IL27RA: variants seen among roughly 807,000 people sequenced by gnomAD.
IL27RA encodes the protein interleukin 27 receptor subunit alpha.
IL27RA carries 61 observed loss-of-function variants against 80.8 expected under a neutral mutation model. The observed-to-expected ratio is 0.76, with a 90% CI of 0.61 to 0.93. The LOEUF is 0.93. IL27RA is among the 40% of genes least tolerant of loss of function. The pLI, the probability that IL27RA is intolerant of heterozygous loss-of-function variation, is 0.00. For missense variants in IL27RA, 735 were observed against 808.1 expected, an observed-to-expected ratio of 0.91 and a Z score of 1.10; for synonymous variants, 316 against 332.5, an observed-to-expected ratio of 0.95 and a Z score of 0.54.
intron 2 of IL27RA, among the ~76,000 whole-genome samples, chr19:14,036,077 TA>T (rs373140888): frequency 2.9e-3 from 388 of 132,214 alleles, no homozygotes; most frequent in Admixed American, 2.7e-3. Context: ...CCGTCTCTAT[TA>T]AAAAAAAAAA....
chr19:14,050,961 C>A, intron 11 of IL27RA, 78 bp downstream of exon 11: 1 of 1,453,852 alleles, frequency 6.9e-7, no homozygotes, highest in South Asian at 1.3e-5. Flanking sequence ...GGAGTCATTA[C>A]TTGGAAGCTA....
intron 6 of IL27RA, among the ~76,000 whole-genome samples, chr19:14,043,613 T>TG (rs1976022081): frequency 2.6e-5 from 4 of 151,120 alleles, no homozygotes; most frequent in South Asian, 2.1e-4. Flanking sequence ...TTAGTAGAGA[T>TG]GGGGGTTTCA....
chr19:14,032,496 CA>C lies in IL27RA; in HGVS notation c.215del (p.Lys72SerfsTer49). 6.2e-7 allele frequency: 1 copy of C among 1,608,196 alleles called. No homozygotes were observed. On this transcript the variant is annotated frameshift_variant, in exon 2 of 14. Transcript: ENST00000263379. LOFTEE classifies it high-confidence loss of function. ...CCCCTCCGAGTTACACCTCCAGAGC[CA>C]AAAGTAGTGAGTACAGGGAGGTGAC... ...GAPSELHLQS[Q>X]KYRSNKTQTV...
intron 3 of IL27RA, 27 bp from the exon 4 acceptor site, chr19:14,039,726 A>G: frequency 6.2e-7 from 1 of 1,611,178 alleles, no homozygotes; most frequent in Non-Finnish European, 8.5e-7. Context: ...GGCGTGGCTC[A>G]CTACACCCTA....
intron 4 of IL27RA, 36 bp downstream of exon 4, chr19:14,039,946 C>T (rs376795280): frequency 2.5e-5 from 40 of 1,600,696 alleles, no homozygotes; most frequent in South Asian, 2.2e-4. Flanking sequence ...CACCCTATTC[C>T]GGGCGGGGAC....
At position 14,042,466 on chromosome 19, in the gene IL27RA, T is replaced by A; in HGVS notation, c.548T>A (p.Leu183Gln). The A allele has an allele frequency of 1.2e-6, 2 of 1,613,990 alleles. No individual in the cohort carries two copies. The highest frequency in any genetic ancestry group is 1.7e-6 in the Non-Finnish European group (2 of 1,179,976). The change falls in exon 5 of 14, where the codon CTG (leucine) becomes CAG (glutamine). Residue 183 changes from leucine (L) to glutamine (Q), a missense_variant. Leu to Gln is a moderately radical substitution (Grantham distance 113). Transcript: ENST00000263379. ...EAAWTLLEPE[L>Q]KTIPLTPVEI... is the part of the protein sequence containing the mutation. ...TCTCTCCCCCAGCTGGAACCGGAGC[T>A]GAAGACCATACCCCTGACCCCTGTT...
In IL27RA at chr19:14,031,956, G is replaced by A. The variant is rs1474241362; in HGVS notation, c.84G>A (p.Gln28=). Residue 28 remains glutamine, a synonymous_variant, in exon 1 of 14, where the codon CAG becomes CAA. Transcript: ENST00000263379. The part of the protein sequence containing the change: ...ALLPLLWVLF[Q]RTRPQGSAGP... ...TGCCTCTGTTGTGGGTGCTTTTCCA[G>A]CGGACGCGTCCCCAGGGTGAGTGCT... is the stretch of plus-strand genomic sequence containing the variant. 4.3e-6 allele frequency: 7 copies of A among 1,610,720 alleles called. No homozygotes were observed. The South Asian group carries it at 5.5e-5, about 13-fold the overall frequency.
chr19:14,037,757 T>A (rs1300699943), intron 2 of IL27RA, among the ~76,000 whole-genome samples: 1 of 151,736 alleles, frequency 6.6e-6, no homozygotes, highest in Non-Finnish European at 1.5e-5. Context: ...CCAAGGGGGA[T>A]GGTGCGGGGG....
At position 14,032,469 on chromosome 19, in the gene IL27RA, GCC is replaced by G; in HGVS notation, c.188_189del (p.Pro63LeufsTer38). The part of the protein sequence containing the change: ...CSWEPLGDLG[A>X]PSELHLQSQK... The stretch of plus-strand genomic sequence containing the variant: ...GTGGGAGCCTCTTGGGGACCTGGGA[GCC>G]CCCTCCGAGTTACACCTCCAGAGCC... On this transcript the variant is annotated frameshift_variant, in exon 2 of 14. Transcript: ENST00000263379. LOFTEE classifies it high-confidence loss of function. The G allele has an allele frequency of 6.2e-7, 1 of 1,613,554 alleles. No individual in the cohort carries two copies. Among genetic ancestry groups the G allele is most frequent in the Non-Finnish European group, 8.5e-7 (1 of 1,179,756 alleles).
chr19:14,045,374 T>A (rs943601292), intron 6 of IL27RA, among the ~76,000 whole-genome samples: 7 of 151,002 alleles, frequency 4.6e-5, no homozygotes, highest in Non-Finnish European at 8.9e-5. Context: ...CGGATTTTTT[T>A]TTTAAGAGAC....
intron 4 of IL27RA, among the ~76,000 whole-genome samples, chr19:14,041,237 G>A (rs568052916): frequency 2.6e-4 from 39 of 150,400 alleles, no homozygotes; most frequent in African/African-American, 9.5e-4. Context: ...TCACTGTGTT[G>A]CCCAGGCTGG....
rs141471266 is a variant in IL27RA at position 14,048,960 on chromosome 19, CTTTA to C, written c.1142-17_1142-14del. The C allele has an allele frequency of 0.026, 42,153 of 1,607,086 alleles. 629 individuals carry two copies. The highest frequency in any genetic ancestry group is 0.031 in the Non-Finnish European group (36,125 of 1,173,742). ...GGAAGGAGAGCCAACTCTAACTGGT[CTTTA>C]TTTCTTTGTCACTCAGGGAATTTCA... is the stretch of plus-strand genomic sequence containing the variant. On this transcript the variant is annotated splice_polypyrimidine_tract_variant and intron_variant, in intron 8 of 13. Coordinates refer to ENST00000263379, the MANE Select transcript of IL27RA (RefSeq NM_004843.4).
intron 1 of IL27RA, 98 bp downstream of exon 1, chr19:14,032,070 G>C (rs1975824163): frequency 7.4e-6 from 8 of 1,082,542 alleles, no homozygotes; most frequent in South Asian, 1.4e-5. Context: ...CAGAGCGAAC[G>C]GTAGAGGTGC....
At position 14,049,277 on chromosome 19, in the gene IL27RA, T is replaced by C. The variant is rs372187829; in HGVS notation, c.1365T>C (p.Cys455=). ...LRGHLTHYTL[C]AQSGTSPSVC... is the part of the protein sequence containing the mutation. Reference sequence around the variant, plus strand: ...GCCACCTCACCCACTACACCTTGTGTGCACAGAGTGGAACCAGCCCCTCCG... The same window carrying C: ...GCCACCTCACCCACTACACCTTGTGCGCACAGAGTGGAACCAGCCCCTCCG... Residue 455 remains cysteine (C), a synonymous_variant, in exon 10 of 14, where the codon TGT becomes TGC. Coordinates refer to ENST00000263379, the MANE Select transcript of IL27RA (RefSeq NM_004843.4). 1.3e-4 allele frequency: 203 copies of C among 1,614,020 alleles called. No homozygotes were observed. Among genetic ancestry groups the C allele is most frequent in the Non-Finnish European group, 1.6e-4 (193 of 1,180,026 alleles).
At position 14,052,713 on chromosome 19, in the gene IL27RA, A is replaced by G. The variant is rs1976197384; in HGVS notation, c.*423A>G. ...AGACCCCTCACTACAAAAATAAAAC[A>G]TCAAAAACAAAAACAATTAGCTGGG... On this transcript the variant is annotated 3_prime_UTR_variant, in exon 14 of 14. Coordinates refer to ENST00000263379, the MANE Select transcript of IL27RA (RefSeq NM_004843.4). 6.4e-6 allele frequency: 1 copy of G among 156,062 alleles called. No individual in the cohort carries two copies. The highest frequency in any genetic ancestry group is 2.4e-5 in the African/African-American group (1 of 41,480). 9.7% of individuals were successfully genotyped at this position (156,062 alleles called of 1,614,324 possible). A position where few individuals can be genotyped will look rare whatever the true frequency, so the allele number is the denominator to read the frequency against.
chr19:14,047,205 G>A (rs541591482), intron 8 of IL27RA, among the ~76,000 whole-genome samples: 37 of 138,412 alleles, frequency 2.7e-4, no homozygotes, highest in Admixed American at 1.1e-3. Context: ...CACCACAATC[G>A]GTTAATTTTT....
chr19:14,044,400 C>G (rs371889063), intron 6 of IL27RA, among the ~76,000 whole-genome samples: 21 of 152,052 alleles, frequency 1.4e-4, no homozygotes, highest in Non-Finnish European at 2.8e-4. Flanking sequence ...CCACCACACC[C>G]GGCTAATTTT....
At chr19:14,034,183 G>C (rs368997808) in intron 2 of IL27RA, among the ~76,000 whole-genome samples, 3 of 152,196 alleles carry the variant, frequency 2.0e-5, no homozygotes, top group African/African-American at 7.2e-5. Context: ...TGCAGTGAAA[G>C]AGGTAGACAG....
At chr19:14,045,974 G>A (rs558994044) in intron 6 of IL27RA, among the ~76,000 whole-genome samples, 180 bp from the exon 7 acceptor site, 18 of 152,240 alleles carry the variant, frequency 1.2e-4, no homozygotes, top group African/African-American at 3.4e-4. Flanking sequence ...GCAGTGAGCC[G>A]AGATCACGCC....
Sources: gnomAD v4.1 joint callset for allele counts (sites outside exome capture counted in the v4.1 genomes callset) on GRCh38, gnomAD v4.1.1 for gene constraint, MANE v1.5 for transcripts, NCBI Gene and HGNC (gene_info 2026-07-23, HGNC 2026-07-21) for gene names.